Variants in LRRC1 observed in about 807,000 individuals in gnomAD.
LRRC1 encodes leucine-rich repeat-containing protein 1.
In LRRC1, 28 loss-of-function variants were observed where a neutral mutation model predicts 69.9. That is an observed-to-expected ratio of 0.40 (90% CI 0.30 to 0.55). LRRC1 has a LOEUF of 0.55. Among genes scored for constraint, LRRC1 ranks in the 20% least tolerant of loss-of-function variants. The pLI, the probability that LRRC1 is intolerant of heterozygous loss-of-function variation, is 0.47. For missense variants in LRRC1, 498 were observed against 609.0 expected, an observed-to-expected ratio of 0.82 and a Z score of 1.92; for synonymous variants, 236 against 240.2, an observed-to-expected ratio of 0.98 and a Z score of 0.16.
chr6:53,920,059 T>C (rs1236755583), intron 12 of LRRC1, among the ~76,000 whole-genome samples: 1 of 152,260 alleles, frequency 6.6e-6, no homozygotes, highest in African/African-American at 2.4e-5. Context: ...TATCTTTGTT[T>C]TGTAAATTGT....
chr6:53,868,028 T>C (rs1486326048), intron 2 of LRRC1, among the ~76,000 whole-genome samples: 1 of 152,108 alleles, frequency 6.6e-6, no homozygotes, highest in Non-Finnish European at 1.5e-5. Flanking sequence ...GTAGTAATTT[T>C]GGGTTACATT....
At chr6:53,805,022 C>A (rs1299019442) in intron 1 of LRRC1, among the ~76,000 whole-genome samples, 1 of 149,976 alleles carries the variant, frequency 6.7e-6, no homozygotes, top group Non-Finnish European at 1.5e-5. Context: ...TAGAGGCTGT[C>A]TTTTTTTTTT....
At chr6:53,910,690 G>C (rs923347892) in intron 10 of LRRC1, among the ~76,000 whole-genome samples, 1 of 152,130 alleles carries the variant, frequency 6.6e-6, no homozygotes, top group African/African-American at 2.4e-5. Flanking sequence ...TTATATATGT[G>C]GTTTCATTTA....
intron 2 of LRRC1, among the ~76,000 whole-genome samples, chr6:53,848,194 G>T (rs759918707): frequency 6.6e-6 from 1 of 152,208 alleles, no homozygotes; most frequent in African/African-American, 2.4e-5. Context: ...GCAGTGTTGA[G>T]CCCAAAGCTT....
chr6:53,892,165 G>A (rs1432568490), intron 4 of LRRC1, among the ~76,000 whole-genome samples: 1 of 152,014 alleles, frequency 6.6e-6, no homozygotes, highest in Non-Finnish European at 1.5e-5. Flanking sequence ...AGATTCCCTG[G>A]TGAATCCTGG....
intron 1 of LRRC1, among the ~76,000 whole-genome samples, chr6:53,829,071 CACAA>C (rs1254884801): frequency 1.3e-5 from 2 of 152,210 alleles, no homozygotes; most frequent in African/African-American, 2.4e-5. Context: ...TATGAGGTCA[CACAA>C]ACAGCCAGTA....
intron 13 of LRRC1, among the ~76,000 whole-genome samples, chr6:53,921,494 A>AG (rs1254773697): frequency 6.6e-6 from 1 of 152,078 alleles, no homozygotes; most frequent in African/African-American, 2.4e-5. Context: ...CTTCTTGTAG[A>AG]GGGCTTATGA....
chr6:53,909,840 G>A (rs1256517163), intron 10 of LRRC1, among the ~76,000 whole-genome samples: 1 of 151,942 alleles, frequency 6.6e-6, no homozygotes, highest in Non-Finnish European at 1.5e-5. Context: ...TTGCCAATGG[G>A]GTGTGTGTTC....
chr6:53,841,455 T>C (rs2127416046), intron 1 of LRRC1, among the ~76,000 whole-genome samples: 1 of 152,298 alleles, frequency 6.6e-6, no homozygotes, highest in East Asian at 1.9e-4. Context: ...CTTTTTGTAC[T>C]CTTTCATTTT....
intron 1 of LRRC1, among the ~76,000 whole-genome samples, chr6:53,835,114 A>G (rs952912323): frequency 6.9e-6 from 1 of 145,148 alleles, no homozygotes; most frequent in Non-Finnish European, 1.6e-5. Context: ...ATACCATACA[A>G]TTCACCCAAG....
intron 2 of LRRC1, among the ~76,000 whole-genome samples, chr6:53,849,048 C>T (rs551495171): frequency 1.6e-4 from 24 of 146,512 alleles, no homozygotes; most frequent in African/African-American, 5.0e-4. Context: ...TGAGCCACTG[C>T]GCCCGGCCTA....
In LRRC1 at chr6:53,836,636, A is replaced by T. The variant is rs1375870915; in HGVS notation, c.160-5474A>T. Among the ~76,000 whole-genome samples, 3 of 152,346 alleles carry T rather than the reference A, an allele frequency of 2.0e-5. No individual in the cohort carries two copies. In the East Asian group the frequency reaches 5.8e-4, roughly 29 times the overall value. The stretch of plus-strand genomic sequence containing the variant: ...TAATTAGTAAGTAGTCTAAAACTTT[A>T]AAAAGTTTTTTTTATTGTGAAATAA... On this transcript the variant is annotated intron_variant, in intron 1 of 13. Transcript: ENST00000370888.
intron 2 of LRRC1, among the ~76,000 whole-genome samples, chr6:53,864,689 A>G (rs1418668521): frequency 6.6e-6 from 1 of 152,166 alleles, no homozygotes; most frequent in African/African-American, 2.4e-5. Context: ...TACCCGGTAC[A>G]TAACAGGCCC....
intron 1 of LRRC1, among the ~76,000 whole-genome samples, chr6:53,801,203 C>T (rs1343015289): frequency 1.3e-5 from 2 of 152,166 alleles, no homozygotes; most frequent in Non-Finnish European, 2.9e-5. Flanking sequence ...ACATTGGTGT[C>T]AGCAAGCAGA....
At chr6:53,911,546 T>C (rs1768409091) in intron 10 of LRRC1, among the ~76,000 whole-genome samples, 1 of 152,206 alleles carries the variant, frequency 6.6e-6, no homozygotes, top group African/African-American at 2.4e-5. Flanking sequence ...ATATCTGCTT[T>C]GCCCCCCTTG....
At chr6:53,902,599 T>C (rs1343578938) in intron 8 of LRRC1, 30 bp from the exon 9 acceptor site, 1 of 1,300,840 alleles carries the variant, frequency 7.7e-7, no homozygotes, top group Non-Finnish European at 1.1e-6. Context: ...ACTAATGAAT[T>C]TGATAATAAT....
intron 2 of LRRC1, among the ~76,000 whole-genome samples, chr6:53,855,953 T>C (rs535877370): frequency 8.5e-5 from 13 of 152,350 alleles, no homozygotes; most frequent in African/African-American, 2.9e-4. Context: ...TTGCAGCTCA[T>C]TGGCATCTTC....
chr6:53,812,614 C>T (rs184983706), intron 1 of LRRC1, among the ~76,000 whole-genome samples: 28,587 of 146,924 alleles, frequency 0.19, 2,861 homozygotes, highest in Middle Eastern at 0.33. Flanking sequence ...GGCGTGAACC[C>T]GGGAGGCGGA....
At chr6:53,878,875 C>T in intron 2 of LRRC1, 118 bp from the exon 3 acceptor site, 1 of 615,128 alleles carries the variant, frequency 1.6e-6, no homozygotes, top group Non-Finnish European at 2.9e-6. Flanking sequence ...AAGTCTAGGT[C>T]ATGTTTGAAT....
Sources: gnomAD v4.1 joint callset for allele counts (sites outside exome capture counted in the v4.1 genomes callset) on GRCh38, gnomAD v4.1.1 for gene constraint, MANE v1.5 for transcripts, NCBI Gene and HGNC (gene_info 2026-07-23, HGNC 2026-07-21) for gene names.